The following SUPT3H variants were observed in gnomAD, a reference collection of about 807,000 sequenced individuals.
SUPT3H encodes the protein transcription initiation protein SPT3 homolog.
Under a neutral mutation model 44.3 loss-of-function variants are expected in SUPT3H, and 44 were observed. The ratio of observed to expected loss-of-function variants is 0.99; its 90% CI spans 0.78 to 1.28. The LOEUF is 1.28. SUPT3H is among the 50% of genes most tolerant of loss of function. The pLI is 0.00. For synonymous variants in SUPT3H, 124 were observed against 125.6 expected (o/e 0.99, Z 0.09); for missense variants, 380 against 387.1 (o/e 0.98, Z 0.15).
intron 2 of SUPT3H, among the ~76,000 whole-genome samples, chr6:45,220,390 A>G (rs1418970289): frequency 6.6e-6 from 1 of 152,160 alleles, no homozygotes; most frequent in Non-Finnish European, 1.5e-5. Context: ...GAGGCAGAAA[A>G]AAAAATCTGA....
At chr6:44,880,623 T>C (rs564697828) in intron 10 of SUPT3H, among the ~76,000 whole-genome samples, 1 of 152,148 alleles carries the variant, frequency 6.6e-6, no homozygotes, top group Admixed American at 6.5e-5. Flanking sequence ...AGACACATAA[T>C]CATCAGATTC....
chr6:45,195,438 T>C (rs1439866755), intron 2 of SUPT3H, among the ~76,000 whole-genome samples: 2 of 152,190 alleles, frequency 1.3e-5, no homozygotes, highest in Non-Finnish European at 2.9e-5. Context: ...CTTGTGCTTC[T>C]ATATCCAGTG....
At chr6:45,039,380 T>G (rs1788163353) in intron 3 of SUPT3H, among the ~76,000 whole-genome samples, 1 of 152,128 alleles carries the variant, frequency 6.6e-6, no homozygotes, top group South Asian at 2.1e-4. Context: ...CAAAACAAAA[T>G]AGCAAAATGT....
intron 2 of SUPT3H, among the ~76,000 whole-genome samples, chr6:45,275,596 C>T (rs1313824467): frequency 6.6e-6 from 1 of 152,010 alleles, no homozygotes; most frequent in African/African-American, 2.4e-5. Context: ...ATTCCTGGAA[C>T]AGGAAAATTC....
intron 2 of SUPT3H, among the ~76,000 whole-genome samples, chr6:45,262,538 G>C (rs1172013858): frequency 6.6e-6 from 1 of 151,992 alleles, no homozygotes; most frequent in Non-Finnish European, 1.5e-5. Context: ...TTAGATGTAA[G>C]ACCTAAAACT....
intron 2 of SUPT3H, among the ~76,000 whole-genome samples, chr6:45,292,100 A>T (rs1327749385): frequency 6.6e-6 from 1 of 152,140 alleles, no homozygotes; most frequent in Non-Finnish European, 1.5e-5. Context: ...CTAAGCAGAA[A>T]CCCTACAAGC....
chr6:45,370,010 T>C (rs543299911), intron 1 of SUPT3H, among the ~76,000 whole-genome samples: 18 of 152,112 alleles, frequency 1.2e-4, no homozygotes, highest in African/African-American at 4.3e-4. Flanking sequence ...GCCACAGGAG[T>C]TTACATTTCA....
At chr6:44,835,432 C>T (rs928506344) in intron 10 of SUPT3H, among the ~76,000 whole-genome samples, 2 of 151,232 alleles carry the variant, frequency 1.3e-5, no homozygotes, top group Non-Finnish European at 2.9e-5. Context: ...AAATTCTTCA[C>T]ATCTTGGGAT....
At chr6:45,347,767 A>C in intron 2 of SUPT3H, among the ~76,000 whole-genome samples, 1 of 146,582 alleles carries the variant, frequency 6.8e-6, no homozygotes, top group East Asian at 2.0e-4. Context: ...TCTTTTTTTT[A>C]AAAAAAAAAG....
intron 6 of SUPT3H, among the ~76,000 whole-genome samples, chr6:44,973,840 TA>T (rs988718377): frequency 1.2e-4 from 19 of 152,232 alleles, no homozygotes; most frequent in Admixed American, 1.1e-3. Flanking sequence ...AAGCCCCTTA[TA>T]AAACCATCAG....
chr6:45,110,928 G>T (rs543016076), intron 2 of SUPT3H, among the ~76,000 whole-genome samples: 1 of 152,212 alleles, frequency 6.6e-6, no homozygotes, highest in South Asian at 2.1e-4. Context: ...ACATATGTGT[G>T]TGTGTATTTC....
chr6:44,840,255 G>A lies in SUPT3H; in HGVS notation c.913-10398C>T, dbSNP rs1770728515. ...TGTATAATCTCTATGCTTAATTCAA[G>A]GAATAATTTCAACTAGGTTTTAGGA... On this transcript the variant is annotated intron_variant, in intron 10 of 10. Coordinates refer to ENST00000371459, the MANE Select transcript of SUPT3H (RefSeq NM_003599.4). Among the ~76,000 whole-genome samples, 7 of 152,122 alleles carry A rather than the reference G, an allele frequency of 4.6e-5. No individual in the cohort carries two copies. The South Asian group carries it at 1.5e-3, about 32-fold the overall frequency.
At chr6:45,224,732 C>A (rs1264720514) in intron 2 of SUPT3H, among the ~76,000 whole-genome samples, 4 of 148,882 alleles carry the variant, frequency 2.7e-5, no homozygotes, top group African/African-American at 9.9e-5. Flanking sequence ...GAGCTGAGAT[C>A]GCGCCACTGC....
chr6:45,090,031 T>C (rs1008984041), intron 3 of SUPT3H, among the ~76,000 whole-genome samples: 1 of 152,056 alleles, frequency 6.6e-6, no homozygotes, highest in Non-Finnish European at 1.5e-5. Context: ...TGGAAACCCA[T>C]ATGGCTTGAT....
chr6:44,838,086 T>A (rs1770250212), intron 10 of SUPT3H, among the ~76,000 whole-genome samples: 1 of 152,156 alleles, frequency 6.6e-6, no homozygotes, highest in Admixed American at 6.5e-5. Context: ...AAGAATTCTT[T>A]AAAGACAATA....
In SUPT3H at chr6:45,286,977, C is replaced by A. The variant is rs1779405034; in HGVS notation, c.101+78224G>T. ...TGAAGCTGGAAACCATCATTCTCAG[C>A]AAACTATCACAAGGAGAAAAAACCA... On this transcript the variant is annotated intron_variant, in intron 2 of 10. Transcript: ENST00000371459. Among the ~76,000 whole-genome samples the A allele has an allele frequency of 3.3e-5, 5 of 152,058 alleles. No homozygotes were observed. In the South Asian group the frequency reaches 1.0e-3, roughly 32 times the overall value.
At chr6:45,062,435 G>C (rs920243808) in intron 3 of SUPT3H, among the ~76,000 whole-genome samples, 1 of 151,366 alleles carries the variant, frequency 6.6e-6, no homozygotes, top group African/African-American at 2.5e-5. Context: ...GCCTTCTAAA[G>C]AGTACACTGT....
At chr6:44,834,916 C>T (rs533885868) in intron 10 of SUPT3H, among the ~76,000 whole-genome samples, 43 of 152,084 alleles carry the variant, frequency 2.8e-4, no homozygotes, top group African/African-American at 2.4e-4. Flanking sequence ...TAATTATGTC[C>T]GAAACAATAT....
At chr6:45,107,682 C>T (rs984661374) in intron 2 of SUPT3H, among the ~76,000 whole-genome samples, 1 of 152,096 alleles carries the variant, frequency 6.6e-6, no homozygotes, top group African/African-American at 2.4e-5. Flanking sequence ...TGTTGAAGAA[C>T]ATATTTCGAA....
Sources: allele counts gnomAD v4.1 joint callset (sites outside exome capture counted in the v4.1 genomes callset), GRCh38; gene constraint gnomAD v4.1.1; transcripts MANE v1.5; gene names NCBI Gene and HGNC (gene_info 2026-07-23, HGNC 2026-07-21).